MUC4: variants seen among roughly 807,000 people sequenced by gnomAD.
MUC4 encodes the protein mucin-4.
MUC4 carries 202 observed loss-of-function variants against 257.9 expected under a neutral mutation model. The ratio of observed to expected loss-of-function variants is 0.78; its 90% CI spans 0.70 to 0.88. MUC4 has a LOEUF of 0.88. MUC4 is among the 40% of genes least tolerant of loss of function. The pLI is 0.00. For missense variants in MUC4, 5,976 were observed against 6,513.7 expected (o/e 0.92, Z 2.84); for synonymous variants, 2,351 against 2,757.1 (o/e 0.85, Z 4.62).
At chr3:195,764,911 CT>C (rs1310439131) in intron 10 of MUC4, 85 bp downstream of exon 10, 4 of 1,553,422 alleles carry the variant, frequency 2.6e-6, no homozygotes, top group Non-Finnish European at 3.5e-6. Flanking sequence ...GGGGAAGGGT[CT>C]GGGAAGGAAT....
chr3:195,757,018 T>C lies in MUC4; in HGVS notation c.15168+129A>G. The C allele has an allele frequency of 5.3e-6, 5 of 942,738 alleles. No homozygotes were observed. Among genetic ancestry groups the C allele is most frequent in the Non-Finnish European group, 6.4e-6 (4 of 624,656 alleles). 58.4% of individuals were successfully genotyped at this position (942,738 alleles called of 1,614,324 possible). A position where few individuals can be genotyped will look rare whatever the true frequency, so the allele number is the denominator to read the frequency against. ...GGCCTGAGACTGGAATCTGCTCTAC[T>C]CACCTACCACTGCTCCACCCATCTC... On this transcript the variant is annotated intron_variant, in intron 18 of 24. Coordinates refer to ENST00000463781, the MANE Select transcript of MUC4 (RefSeq NM_018406.7). This position sits in a 1 kb window ranked among gnomAD's most constrained non-coding sequence, Gnocchi z 4.8.
chr3:195,773,170 C>T (rs560136925), intron 4 of MUC4, among the ~76,000 whole-genome samples: 4 of 149,090 alleles, frequency 2.7e-5, no homozygotes, highest in African/African-American at 4.9e-5. Context: ...CTCTCTCCAT[C>T]GCTCAGGGGT....
chr3:195,747,076 C>T lies in MUC4; in HGVS notation c.*100G>A. 6.8e-7 allele frequency: 1 copy of T among 1,468,336 alleles called. No individual in the cohort carries two copies. The highest frequency in any genetic ancestry group is 1.2e-5 in the South Asian group (1 of 84,042). 91.0% of individuals were successfully genotyped at this position (1,468,336 alleles called of 1,614,324 possible). ...CTCCTTGAAGAATCCTGACAGCCTTCAGTCACCTTCCCTTTTCCAGTCTCC... is the reference window on the plus strand; with the variant it reads ...CTCCTTGAAGAATCCTGACAGCCTTTAGTCACCTTCCCTTTTCCAGTCTCC... On this transcript the variant is annotated 3_prime_UTR_variant, in exon 25 of 25. Coordinates refer to ENST00000463781, the MANE Select transcript of MUC4 (RefSeq NM_018406.7).
intron 3 of MUC4, among the ~76,000 whole-genome samples, chr3:195,776,338 A>G (rs866458639): frequency 1.5e-3 from 90 of 60,106 alleles, no homozygotes; most frequent in South Asian, 2.5e-3. Flanking sequence ...TACCTTCCAC[A>G]CCCATACCTT....
Position 195,811,843 on chromosome 3 carries a change from C to G in MUC4, c.-26G>C, listed in dbSNP as rs770705516. 2 of 1,610,508 alleles carry G rather than the reference C, an allele frequency of 1.2e-6. No individual in the cohort carries two copies. The highest frequency in any genetic ancestry group is 3.3e-5 in the Admixed American group (2 of 59,962). ...GGCTGCGGCAAAAGTCCCCCTGGCT[C>G]CCTGGGGAAGCTCCACGGCCCAGCA... On this transcript the variant is annotated 5_prime_UTR_variant, in exon 1 of 25. Coordinates refer to ENST00000463781, the MANE Select transcript of MUC4 (RefSeq NM_018406.7).
intron 1 of MUC4, among the ~76,000 whole-genome samples, chr3:195,796,460 C>A (rs1734593427): frequency 6.6e-6 from 1 of 152,100 alleles, no homozygotes; most frequent in African/African-American, 2.4e-5. Flanking sequence ...CGCCTGTAAT[C>A]CTAACACGTT....
chr3:195,758,975 C>T (rs887148152), intron 17 of MUC4, 149 bp downstream of exon 17: 53 of 1,129,346 alleles, frequency 4.7e-5, no homozygotes, highest in Admixed American at 1.5e-4. Context: ...TTATAGATAT[C>T]GCTCCTCGGA....
chr3:195,764,715 C>G (rs946138064), intron 10 of MUC4, among the ~76,000 whole-genome samples: 1 of 152,120 alleles, frequency 6.6e-6, no homozygotes, highest in Non-Finnish European at 1.5e-5. Context: ...TCTGGGTCTA[C>G]AGGGACGGGG....
chr3:195,808,596 G>A (rs905239945), intron 1 of MUC4, among the ~76,000 whole-genome samples: 1 of 152,142 alleles, frequency 6.6e-6, no homozygotes, highest in South Asian at 2.1e-4. Flanking sequence ...GGCTCAGTTT[G>A]CCGATGAAGA....
intron 16 of MUC4, among the ~76,000 whole-genome samples, chr3:195,759,918 AAC>A (rs1553855203): frequency 1.3e-5 from 2 of 149,724 alleles, no homozygotes; most frequent in African/African-American, 4.9e-5. Flanking sequence ...AAACTCCGTC[AAC>A]ACACACACAC....
At position 195,782,953 on chromosome 3, in the gene MUC4, C is replaced by T. The variant is rs1211996095; in HGVS notation, c.8627G>A (p.Gly2876Asp). Reference sequence around the variant, plus strand: ...GGTGACAGGAAGAGGGGTGGCATGACCTGTGGACACTGAGGAAGCGTCGGT... The same window carrying T: ...GGTGACAGGAAGAGGGGTGGCATGATCTGTGGACACTGAGGAAGCGTCGGT... ...PVTDASSVST[G>D]HATPLPVTDA... The change falls in exon 2 of 25, where the codon GGT becomes GAT. Residue 2876 changes from glycine (G) to aspartate (D), a missense_variant. Gly to Asp is a moderately conservative substitution (Grantham distance 94). Transcript: ENST00000463781. The T allele has an allele frequency of 4.1e-6, 5 of 1,214,294 alleles. No homozygotes were observed. In the Admixed American group the frequency reaches 1.0e-4, roughly 24 times the overall value. 75.2% of individuals were successfully genotyped at this position (1,214,294 alleles called of 1,614,324 possible). A position where few individuals can be genotyped will look rare whatever the true frequency, so the allele number is the denominator to read the frequency against.
intron 1 of MUC4, among the ~76,000 whole-genome samples, chr3:195,793,923 A>G (rs1734199326): frequency 6.6e-6 from 1 of 152,110 alleles, no homozygotes; most frequent in African/African-American, 2.4e-5. Context: ...ATTATTGACC[A>G]TAACCACTTT....
chr3:195,759,172 CCTCAGCATTG>C lies in MUC4; in HGVS notation c.14928_14937del (p.Ser4976ArgfsTer37), dbSNP rs1718273274. 6.2e-7 allele frequency: 1 copy of C among 1,613,960 alleles called. No individual in the cohort carries two copies. Among genetic ancestry groups the C allele is most frequent in the Non-Finnish European group, 8.5e-7 (1 of 1,180,012 alleles). ...CTGTCTCTGAGCGTGAAGTTGGCAT[CCTCAGCATTG>C]CTGGTGTACTGAATCAGCGTGGTCT... On this transcript the variant is annotated frameshift_variant, in exon 17 of 25. Coordinates refer to ENST00000463781, the MANE Select transcript of MUC4 (RefSeq NM_018406.7). LOFTEE classifies it high-confidence loss of function.
intron 20 of MUC4, 52 bp downstream of exon 20, chr3:195,752,999 G>T: frequency 6.7e-7 from 1 of 1,498,946 alleles, no homozygotes; most frequent in Non-Finnish European, 9.1e-7. Context: ...GGGGTGAGAG[G>T]GTGGGGCCCA....
chr3:195,772,121 C>T (rs979311128), intron 4 of MUC4, among the ~76,000 whole-genome samples: 23 of 152,160 alleles, frequency 1.5e-4, no homozygotes. Context: ...CCCCTGGGCC[C>T]CATCCTGAAG....
chr3:195,752,053 C>T (rs1000718135), intron 21 of MUC4: 2 of 365,714 alleles, frequency 5.5e-6, no homozygotes, highest in East Asian at 8.4e-5. Flanking sequence ...GGGAGCCGCC[C>T]GTTCCCTCTG....
chr3:195,770,221 G>A lies in MUC4; in HGVS notation c.13393C>T (p.Leu4465Phe), dbSNP rs765696437. Residue 4465 changes from leucine to phenylalanine, a missense_variant, in exon 6 of 25, where the codon CTC (leucine) becomes TTC (phenylalanine). By Grantham distance (22) the Leu-to-Phe change is conservative. Transcript: ENST00000463781. The stretch of plus-strand genomic sequence containing the variant: ...CTGCCCAGGGGTCTACTCACCCCGA[G>A]GGTCCACTGGGCAGGATAGGCGTGG... ...NAHAYPAQWTLGSNTYQAILS... is the reference protein window; with the variant it reads ...NAHAYPAQWTFGSNTYQAILS... 1.2e-6 allele frequency: 2 copies of A among 1,606,718 alleles called. No individual in the cohort carries two copies. The highest frequency in any genetic ancestry group is 1.7e-5 in the Admixed American group (1 of 58,230).
chr3:195,799,260 T>TGAGA (rs144440668), intron 1 of MUC4, among the ~76,000 whole-genome samples: 69 of 149,228 alleles, frequency 4.6e-4, no homozygotes, highest in East Asian at 9.9e-4. Context: ...TGTGTGTGTG[T>TGAGA]GACACTGTGT....
At chr3:195,778,641 A>C (rs1160231387) in intron 2 of MUC4, 149 bp downstream of exon 2, 45 of 1,230,926 alleles carry the variant, frequency 3.7e-5, no homozygotes, top group Non-Finnish European at 4.8e-5. Flanking sequence ...TGAGCCTGTC[A>C]CCCACCACAC....
Sources: allele counts gnomAD v4.1 joint callset (sites outside exome capture counted in the v4.1 genomes callset), GRCh38; gene constraint gnomAD v4.1.1; non-coding constraint Gnocchi (gnomAD v3.1); transcripts MANE v1.5; gene names NCBI Gene and HGNC (gene_info 2026-07-23, HGNC 2026-07-21).